The following TSPAN7 variants were observed in gnomAD, a reference collection of about 807,000 sequenced individuals.
TSPAN7 encodes the protein tetraspanin 7.
Under a neutral mutation model 17.6 loss-of-function variants are expected in TSPAN7, and 1 was observed. That is an observed-to-expected ratio of 0.06 (90% CI 0.02 to 0.27). The LOEUF (loss-of-function observed/expected upper bound fraction) is 0.27, where lower values mean the gene tolerates loss of function less well. Among genes scored for constraint, TSPAN7 ranks in the 10% least tolerant of loss-of-function variants. The pLI, the probability that TSPAN7 is intolerant of heterozygous loss-of-function variation, is 1.00. For synonymous variants in TSPAN7, 78 were observed against 79.0 expected (o/e 0.99, Z 0.07); for missense variants, 112 against 201.7 (o/e 0.56, Z 2.69).
chrX:38,588,682 G>A lies in TSPAN7; in HGVS notation c.81+27055G>A, dbSNP rs945151023. On this transcript the variant is annotated intron_variant, in intron 1 of 7. Transcript: ENST00000378482. ...GGTTTTTCAACTTGAGAAAAATCAG[G>A]ACTCTTTTGGAACAATATTTCAAAT... Among the ~76,000 whole-genome samples the A allele has an allele frequency of 3.6e-5, 4 of 111,517 alleles. No homozygotes were observed. In the Admixed American group the frequency reaches 3.8e-4, roughly 11 times the overall value.
intron 1 of TSPAN7, among the ~76,000 whole-genome samples, chrX:38,665,189 G>T (rs770282199): frequency 9.8e-5 from 11 of 112,074 alleles, no homozygotes; most frequent in Non-Finnish European, 9.4e-5. Flanking sequence ...TAGGCTCTAG[G>T]GTGGGGCCAA....
chrX:38,592,631 T>C (rs1233266506), intron 1 of TSPAN7, among the ~76,000 whole-genome samples: 1 of 111,306 alleles, frequency 9.0e-6, no homozygotes, highest in Non-Finnish European at 1.9e-5. Context: ...CCACCTTGCT[T>C]ATAGTCTATG....
chrX:38,602,465 C>A (rs1035928448), intron 1 of TSPAN7, among the ~76,000 whole-genome samples: 1 of 111,099 alleles, frequency 9.0e-6, no homozygotes, highest in Non-Finnish European at 1.9e-5. Flanking sequence ...GTATTCCTAA[C>A]AATTAACAAG....
At chrX:38,587,214 A>C (rs986129124) in intron 1 of TSPAN7, among the ~76,000 whole-genome samples, 5 of 112,295 alleles carry the variant, frequency 4.5e-5, no homozygotes, top group African/African-American at 1.6e-4. Context: ...TGAGACTGAG[A>C]AACCCTGTTT....
intron 1 of TSPAN7, among the ~76,000 whole-genome samples, chrX:38,626,189 G>T (rs747488610): frequency 2.4e-5 from 2 of 84,396 alleles, no homozygotes; most frequent in African/African-American, 9.0e-5. Context: ...GTACTATTCT[G>T]GAGGTACTTT....
chrX:38,610,574 C>A (rs1019475983), intron 1 of TSPAN7, among the ~76,000 whole-genome samples: 1 of 111,274 alleles, frequency 9.0e-6, no homozygotes, highest in African/African-American at 3.3e-5. Context: ...AAGGTGAGAC[C>A]CAAGCACCAG....
intron 1 of TSPAN7, among the ~76,000 whole-genome samples, chrX:38,654,833 C>T (rs965899845): frequency 1.8e-5 from 2 of 111,986 alleles, no homozygotes; most frequent in African/African-American, 3.2e-5. Context: ...GGTGCAGTGG[C>T]GAAAGATAAA....
intron 1 of TSPAN7, among the ~76,000 whole-genome samples, chrX:38,605,792 C>G (rs1183485320): frequency 1.7e-4 from 19 of 109,841 alleles, no homozygotes; most frequent in Admixed American, 2.9e-4. Context: ...ACAAACCTGA[C>G]AAAAACAAGC....
At chrX:38,591,574 T>A (rs2069292121) in intron 1 of TSPAN7, among the ~76,000 whole-genome samples, 1 of 112,248 alleles carries the variant, frequency 8.9e-6, no homozygotes, top group South Asian at 3.7e-4. Context: ...ATTTTCTCAA[T>A]ACTTGTTCTA....
At chrX:38,578,242 G>A (rs922978115) in intron 1 of TSPAN7, among the ~76,000 whole-genome samples, 1 of 111,780 alleles carries the variant, frequency 8.9e-6, no homozygotes, top group Non-Finnish European at 1.9e-5. Context: ...TAAGCCCAGA[G>A]TTCTAAATGC....
In TSPAN7 at chrX:38,663,044, T is replaced by G. The variant is rs182623752; in HGVS notation, c.82-3077T>G. Among the ~76,000 whole-genome samples, 14 of 110,402 alleles carry G rather than the reference T, an allele frequency of 1.3e-4. No homozygotes were observed. In the East Asian group the frequency reaches 4.0e-3, roughly 31 times the overall value. ...TAAGGAGTCTTTCTCTGAGAAGTCA[T>G]TATACAAAAAAGAAACACGTTTATA... On this transcript the variant is annotated intron_variant, in intron 1 of 7. Coordinates refer to ENST00000378482, the MANE Select transcript of TSPAN7 (RefSeq NM_004615.4).
chrX:38,565,243 T>C lies in TSPAN7; in HGVS notation c.81+3616T>C, dbSNP rs1046174246. On this transcript the variant is annotated intron_variant, in intron 1 of 7. Coordinates refer to ENST00000378482, the MANE Select transcript of TSPAN7 (RefSeq NM_004615.4). Reference sequence around the variant, plus strand: ...GGTCTTGTTTGTTTGTTTGTTTGTTTGTTCGAGGCAGAGTCTCGCTGTGTT... The same window carrying C: ...GGTCTTGTTTGTTTGTTTGTTTGTTCGTTCGAGGCAGAGTCTCGCTGTGTT... Among the ~76,000 whole-genome samples, 5 of 111,902 alleles carry C rather than the reference T, an allele frequency of 4.5e-5. No individual in the cohort carries two copies. The Admixed American group carries it at 4.7e-4, about 11-fold the overall frequency.
intron 1 of TSPAN7, among the ~76,000 whole-genome samples, chrX:38,640,241 C>T (rs2069604866): frequency 9.0e-6 from 1 of 111,456 alleles, no homozygotes; most frequent in Non-Finnish European, 1.9e-5. Context: ...GGGAAACTAC[C>T]ATTTCTTTAG....
chrX:38,646,787 A>G (rs1414660712), intron 1 of TSPAN7, among the ~76,000 whole-genome samples: 1 of 112,449 alleles, frequency 8.9e-6, no homozygotes, highest in Non-Finnish European at 1.9e-5. Flanking sequence ...GAGAATGTGC[A>G]AGCACAGGTG....
At chrX:38,589,981 A>G (rs1314672411) in intron 1 of TSPAN7, among the ~76,000 whole-genome samples, 1 of 113,008 alleles carries the variant, frequency 8.8e-6, no homozygotes, top group East Asian at 2.8e-4. Flanking sequence ...GTGACTACAA[A>G]TTTCTGGTCT....
chrX:38,588,775 A>G (rs1315770076), intron 1 of TSPAN7, among the ~76,000 whole-genome samples: 3 of 111,797 alleles, frequency 2.7e-5, no homozygotes, highest in Non-Finnish European at 5.6e-5. Context: ...CTCTTAGCCC[A>G]AGGTGCTATT....
At chrX:38,646,254 C>G (rs1421448640) in intron 1 of TSPAN7, 1 of 1,150,645 alleles carries the variant, frequency 8.7e-7, no homozygotes, top group South Asian at 1.9e-5. Context: ...ATTACATGTT[C>G]ATAAAAGAAA....
chrX:38,652,176 A>G (rs1320338864), intron 1 of TSPAN7, among the ~76,000 whole-genome samples: 1 of 111,787 alleles, frequency 8.9e-6, no homozygotes, highest in East Asian at 2.8e-4. Flanking sequence ...GATCTGGGAA[A>G]ATGGTTTCCC....
intron 1 of TSPAN7, among the ~76,000 whole-genome samples, chrX:38,653,230 A>G (rs957414996): frequency 9.0e-6 from 1 of 111,489 alleles, no homozygotes; most frequent in Non-Finnish European, 1.9e-5. Context: ...AATGTCGTTT[A>G]TCACACACAT....
Sources: gnomAD v4.1 joint callset for allele counts (sites outside exome capture counted in the v4.1 genomes callset) on GRCh38, gnomAD v4.1.1 for gene constraint, MANE v1.5 for transcripts, NCBI Gene and HGNC (gene_info 2026-07-23, HGNC 2026-07-21) for gene names.